CREBBP: variants seen among roughly 807,000 people sequenced by gnomAD.
CREBBP encodes CREB-binding protein.
A neutral mutation model predicts 265.0 loss-of-function variants in CREBBP; 19 were observed. That is an observed-to-expected ratio of 0.07 (90% CI 0.05 to 0.11). The LOEUF (loss-of-function observed/expected upper bound fraction) is 0.11, where lower values mean the gene tolerates loss of function less well. CREBBP is among the 10% of genes least tolerant of loss of function. CREBBP has a pLI of 1.00. For synonymous variants in CREBBP, 1,457 were observed against 1,223.7 expected, an observed-to-expected ratio of 1.19 and a Z score of -3.98; for missense variants, 2,525 against 3,219.0, an observed-to-expected ratio of 0.78 and a Z score of 5.22.
rs2052609627 is a variant in CREBBP at position 3,757,313 on chromosome 16, C to T, written c.3673G>A (p.Ala1225Thr). The change falls in exon 19 of 31, where the codon GCT (alanine) becomes ACT (threonine). Residue 1225 changes from alanine (A) to threonine (T), a missense_variant. By Grantham distance (58) the Ala-to-Thr change is moderately conservative. Around this residue, in one of 19 missense-constraint regions of CREBBP, gnomAD observed 252 missense variants for 452.5 expected, o/e 0.56. Coordinates refer to ENST00000262367, the MANE Select transcript of CREBBP (RefSeq NM_004380.3). Reference protein sequence around the residue: ...GKQLCTIPRDAAYYSYQNRYH... With the variant: ...GKQLCTIPRDTAYYSYQNRYH... ...CTATTCTGATAGCTGTAGTAGGCAG[C>T]ATCGCGAGGAATGGTACACAGCTGC... The T allele has an allele frequency of 6.2e-7, 1 of 1,613,560 alleles. No homozygotes were observed. The highest frequency in any genetic ancestry group is 8.5e-7 in the Non-Finnish European group (1 of 1,179,800).
intron 1 of CREBBP, among the ~76,000 whole-genome samples, chr16:3,861,030 T>A (rs2055062040): frequency 6.6e-6 from 1 of 152,072 alleles, no homozygotes; most frequent in Non-Finnish European, 1.5e-5. Context: ...CCCAGCACTT[T>A]GGGAGGCAGA....
chr16:3,799,972 G>C (rs1047103359), intron 3 of CREBBP, among the ~76,000 whole-genome samples: 2 of 152,046 alleles, frequency 1.3e-5, no homozygotes, highest in Non-Finnish European at 2.9e-5. Flanking sequence ...AAAATCAGAC[G>C]AATCAGTAAG....
At chr16:3,838,297 G>C (rs1218684336) in intron 2 of CREBBP, among the ~76,000 whole-genome samples, 2 of 152,170 alleles carry the variant, frequency 1.3e-5, no homozygotes, top group African/African-American at 4.8e-5. Context: ...AGGAGCAACA[G>C]GGTACACTAT....
intron 5 of CREBBP, 90 bp from the exon 6 acceptor site, chr16:3,783,016 T>C: frequency 6.6e-7 from 1 of 1,512,252 alleles, no homozygotes; most frequent in Non-Finnish European, 9.1e-7. Context: ...GAGAAGCAAA[T>C]ACATTTCATC....
At chr16:3,795,590 G>A (rs984200683) in intron 3 of CREBBP, among the ~76,000 whole-genome samples, 4 of 151,974 alleles carry the variant, frequency 2.6e-5, no homozygotes, top group Non-Finnish European at 5.9e-5. Context: ...CTTGTTATGG[G>A]GCATAAACTG....
At chr16:3,787,355 C>G (rs1272576164) in intron 5 of CREBBP, among the ~76,000 whole-genome samples, 2 of 152,186 alleles carry the variant, frequency 1.3e-5, no homozygotes, top group African/African-American at 4.8e-5. Flanking sequence ...TCCTTGCTAG[C>G]AAGGAGAAAA....
At chr16:3,767,533 C>T (rs2052883977) in intron 16 of CREBBP, 187 bp downstream of exon 16, 1 of 738,862 alleles carries the variant, frequency 1.4e-6, no homozygotes, top group East Asian at 2.7e-5. Context: ...ATGAGCCCCA[C>T]AGGCACAGGG....
chr16:3,879,955 C>T lies in CREBBP; in HGVS notation c.-39G>A, dbSNP rs771639734. 5 of 1,587,748 alleles carry T rather than the reference C, an allele frequency of 3.1e-6. No individual in the cohort carries two copies. In the East Asian group the frequency reaches 1.1e-4, roughly 36 times the overall value. ...CGAAAACAGCCCCGGGCACGGGCGG[C>T]CGGGCCGGCGAGGGCCCGGACGGGG... On this transcript the variant is annotated 5_prime_UTR_variant, in exon 1 of 31. Transcript: ENST00000262367.
chr16:3,806,243 G>A (rs768305891), intron 3 of CREBBP, among the ~76,000 whole-genome samples: 6 of 151,958 alleles, frequency 3.9e-5, no homozygotes, highest in African/African-American at 1.2e-4. Flanking sequence ...CCATCCTCCC[G>A]TCTACACAGT....
rs201062642 is a variant in CREBBP at position 3,729,713 on chromosome 16, C to A, written c.5334G>T (p.Ser1778=). The A allele has an allele frequency of 1.2e-6, 2 of 1,611,330 alleles. No homozygotes were observed. The highest frequency in any genetic ancestry group is 1.7e-6 in the Non-Finnish European group (2 of 1,179,644). Reference sequence around the variant, plus strand: ...TGCGGCACTGGCACGCGTGCACCAGCGACTGGATGCAGCGCTGGATGCTCA... The same window carrying A: ...TGCGGCACTGGCACGCGTGCACCAGAGACTGGATGCAGCGCTGGATGCTCA... The part of the protein sequence containing the change: ...RRLSIQRCIQ[S]LVHACQCRNA... Residue 1778 remains serine (S), a synonymous_variant, in exon 31 of 31, where the codon TCG becomes TCT. Transcript: ENST00000262367.
At chr16:3,734,700 C>T (rs879846294) in intron 28 of CREBBP, among the ~76,000 whole-genome samples, 17 of 152,044 alleles carry the variant, frequency 1.1e-4, no homozygotes, top group South Asian at 4.1e-4. Flanking sequence ...CCCCTGCCCG[C>T]GCCTCCTCTG....
At position 3,745,220 on chromosome 16, in the gene CREBBP, C is replaced by T. The variant is rs2052313121; in HGVS notation, c.3914+57G>A. On this transcript the variant is annotated intron_variant, in intron 22 of 30. Coordinates refer to ENST00000262367, the MANE Select transcript of CREBBP (RefSeq NM_004380.3). ...GAATGAGATGCAGTAGCCACTGCAA[C>T]TGCCCCGCCACTGGCTCTGTGCAGA... is the stretch of plus-strand genomic sequence containing the variant. 4 of 1,495,614 alleles carry T rather than the reference C, an allele frequency of 2.7e-6. No individual in the cohort carries two copies. In the East Asian group the frequency reaches 7.0e-5, roughly 26 times the overall value. The allele number at this position is 1,495,614 out of a possible 1,614,324, so 92.6% of individuals were successfully genotyped here.
In CREBBP at chr16:3,778,032, C is replaced by A. The variant is rs1435888013; in HGVS notation, c.2092G>T (p.Ala698Ser). 1 of 1,614,164 alleles carries A rather than the reference C, an allele frequency of 6.2e-7. No individual in the cohort carries two copies. The highest frequency in any genetic ancestry group is 2.2e-5 in the East Asian group (1 of 44,890). ...TTACTTGGAGGTCTCACAGGTTGTGCCTGTGGAATCACAGGGGGCTGAGCC... is the reference window on the plus strand; with the variant it reads ...TTACTTGGAGGTCTCACAGGTTGTGACTGTGGAATCACAGGGGGCTGAGCC... The part of the protein sequence containing the change: ...PGAQPPVIPQ[A>S]QPVRPPNGPL... The change falls in exon 10 of 31, where the codon GCA becomes TCA. Residue 698 changes from alanine to serine, a missense_variant. Transcript: ENST00000262367.
intron 3 of CREBBP, among the ~76,000 whole-genome samples, chr16:3,808,647 TCTGTCA>T (rs2053878933): frequency 6.6e-6 from 1 of 152,178 alleles, no homozygotes; most frequent in African/African-American, 2.4e-5. Flanking sequence ...GAGCACAGAT[TCTGTCA>T]CTAAGTTGTA....
At chr16:3,780,580 G>A in intron 8 of CREBBP, 152 bp downstream of exon 8, 1 of 779,362 alleles carries the variant, frequency 1.3e-6, no homozygotes, top group Non-Finnish European at 2.1e-6. Context: ...TCTCTGGCCT[G>A]CCTAGGGCTG....
At chr16:3,734,080 C>G (rs866951131) in intron 28 of CREBBP, among the ~76,000 whole-genome samples, 7 of 152,202 alleles carry the variant, frequency 4.6e-5, no homozygotes, top group African/African-American at 1.4e-4. Context: ...TCCCTGGGCA[C>G]ATTTGTCTCC....
chr16:3,780,951 C>A, intron 7 of CREBBP, 73 bp from the exon 8 acceptor site: 1 of 1,556,130 alleles, frequency 6.4e-7, no homozygotes, highest in Non-Finnish European at 8.8e-7. Flanking sequence ...TAAGGTTCTT[C>A]TGCCACCACA....
intron 3 of CREBBP, among the ~76,000 whole-genome samples, chr16:3,807,620 A>T (rs911969112): frequency 2.0e-5 from 3 of 152,226 alleles, no homozygotes; most frequent in African/African-American, 7.2e-5. Context: ...TGACCTCAGA[A>T]CATAACTGAA....
intron 8 of CREBBP, among the ~76,000 whole-genome samples, 192 bp downstream of exon 8, chr16:3,780,540 C>G (rs2053249761): frequency 6.6e-6 from 1 of 152,170 alleles, no homozygotes; most frequent in Admixed American, 6.5e-5. Context: ...CTTTGTCACC[C>G]CCGCTCACCG....
Sources: allele counts gnomAD v4.1 joint callset (sites outside exome capture counted in the v4.1 genomes callset), GRCh38; gene constraint gnomAD v4.1.1; regional missense constraint gnomAD v4.1.1; transcripts MANE v1.5; gene names NCBI Gene and HGNC (gene_info 2026-07-23, HGNC 2026-07-21).